FAT3: variants seen among roughly 807,000 people sequenced by gnomAD.
The protein encoded by FAT3 is FAT atypical cadherin 3, also known as protocadherin Fat 3.
A neutral mutation model predicts 310.2 loss-of-function variants in FAT3; 95 were observed. The ratio of observed to expected loss-of-function variants is 0.31; its 90% confidence interval spans 0.26 to 0.36. The LOEUF is 0.36. Among genes scored for constraint, FAT3 ranks in the 10% least tolerant of loss-of-function variants. FAT3 has a pLI of 1.00. For synonymous variants in FAT3, 2,314 were observed against 2,192.9 expected, an observed-to-expected ratio of 1.06 and a Z score of -1.54; for missense variants, 5,408 against 5,715.6, an observed-to-expected ratio of 0.95 and a Z score of 1.74.
chr11:92,700,454 G>T (rs1331378542), intron 4 of FAT3, among the ~76,000 whole-genome samples: 1 of 152,090 alleles, frequency 6.6e-6, no homozygotes, highest in Non-Finnish European at 1.5e-5. Flanking sequence ...TGGGGTGGGG[G>T]CTGAGGGTGA....
At chr11:92,868,120 G>T (rs779011790) in intron 22 of FAT3, among the ~76,000 whole-genome samples, 41 of 152,200 alleles carry the variant, frequency 2.7e-4, no homozygotes, top group Non-Finnish European at 5.3e-4. Flanking sequence ...TCCCTTTGCA[G>T]AGTCGCTCAG....
At chr11:92,383,263 T>C (rs1420453836) in intron 2 of FAT3, among the ~76,000 whole-genome samples, 1 of 152,238 alleles carries the variant, frequency 6.6e-6, no homozygotes, top group African/African-American at 2.4e-5. Flanking sequence ...GTTGAATCTA[T>C]GTCCTTGCTA....
At chr11:92,297,433 A>G (rs1946878618) in intron 1 of FAT3, among the ~76,000 whole-genome samples, 1 of 152,164 alleles carries the variant, frequency 6.6e-6, no homozygotes, top group African/African-American at 2.4e-5. Context: ...TAACAGTCAC[A>G]AGAAAGAAAT....
At chr11:92,771,151 C>T (rs1946445802) in intron 6 of FAT3, among the ~76,000 whole-genome samples, 1 of 152,132 alleles carries the variant, frequency 6.6e-6, no homozygotes, top group African/African-American at 2.4e-5. Context: ...CGGTGTCCTC[C>T]CTCCTCCCCA....
chr11:92,750,862 C>G (rs1386608424), intron 4 of FAT3, among the ~76,000 whole-genome samples: 2 of 152,226 alleles, frequency 1.3e-5, no homozygotes, highest in East Asian at 3.8e-4. Context: ...TGGGTTGTTT[C>G]ACCTAGAACA....
rs1001234893 is a variant in FAT3, at chr11:92,782,420, TA to T, written c.4336-7515del. On this transcript the variant is annotated intron_variant, in intron 7 of 27. Transcript: ENST00000525166. ...AGACCAGCCCAGTATTTACAAAAAA[TA>T]AAAAAAACCAGACAGGTATGGTGGC... Among the ~76,000 whole-genome samples, 9 of 151,324 alleles carry T rather than the reference TA, an allele frequency of 5.9e-5. No homozygotes were observed. In the South Asian group the frequency reaches 1.0e-3, roughly 18 times the overall value.
rs779689184 is a variant in FAT3 at position 92,836,660 on chromosome 11, T to C, written c.10181T>C (p.Val3394Ala). Residue 3394 changes from valine (V) to alanine (A), a missense_variant, in exon 16 of 28, where the codon GTC becomes GCC. Physicochemically the swap from Val to Ala is moderately conservative, Grantham distance 64. Coordinates refer to ENST00000525166, the MANE Select transcript of FAT3 (RefSeq NM_001367949.2). The stretch of plus-strand genomic sequence containing the variant: ...GACAATGAATTTACTGTAGATCCTG[T>C]CTTGGGACTTGTGAAAGTTAAGAAG... ...DRDNEFTVDP[V>A]LGLVKVKKKL... 2.5e-6 allele frequency: 4 copies of C among 1,613,696 alleles called. No individual in the cohort carries two copies. In the South Asian group the frequency reaches 4.4e-5, roughly 18 times the overall value.
chr11:92,427,956 T>C lies in FAT3; in HGVS notation c.3292+72552T>C, dbSNP rs147192428. 2.9e-3 allele frequency among the ~76,000 whole-genome samples: 438 copies of C among 152,248 alleles called. 1 individual carries two copies. Among genetic ancestry groups the C allele is most frequent in the African/African-American group, 9.9e-3 (410 of 41,568 alleles). Reference sequence around the variant, plus strand: ...TTAGAAGGAATGGTATGAACTCCTCTTTGTACCTCTGGTAGAATTTGGCTG... The same window carrying C: ...TTAGAAGGAATGGTATGAACTCCTCCTTGTACCTCTGGTAGAATTTGGCTG... On this transcript the variant is annotated intron_variant, in intron 2 of 27. Coordinates refer to ENST00000525166, the MANE Select transcript of FAT3 (RefSeq NM_001367949.2).
intron 2 of FAT3, among the ~76,000 whole-genome samples, chr11:92,387,187 G>A (rs769325400): frequency 6.6e-5 from 10 of 151,410 alleles, no homozygotes; most frequent in Admixed American, 2.6e-4. Context: ...AGAGAAATAG[G>A]TATTATTCTA....
At position 92,655,245 on chromosome 11, in the gene FAT3, A is replaced by T. The variant is rs1198859268; in HGVS notation, c.3608-42139A>T. ...AATGAATGAATGAATGAGATGGGTT[A>T]CTTGTCTCTTCTCAGGAGAACACAA... On this transcript the variant is annotated intron_variant, in intron 3 of 27. Transcript: ENST00000525166. Among the ~76,000 whole-genome samples, 5 of 152,198 alleles carry T rather than the reference A, an allele frequency of 3.3e-5. No homozygotes were observed. The East Asian group carries it at 9.6e-4, about 29-fold the overall frequency.
At chr11:92,781,604 G>A (rs1946755203) in intron 7 of FAT3, among the ~76,000 whole-genome samples, 1 of 152,090 alleles carries the variant, frequency 6.6e-6, no homozygotes, top group Non-Finnish European at 1.5e-5. Context: ...AAATCATCTG[G>A]TATAATGAAA....
chr11:92,458,837 C>A (rs777443563), intron 2 of FAT3, among the ~76,000 whole-genome samples: 4 of 152,186 alleles, frequency 2.6e-5, no homozygotes, highest in Non-Finnish European at 5.9e-5. Flanking sequence ...AGAGTCCTTG[C>A]TCTCTGATTT....
In FAT3 at chr11:92,800,343, A is replaced by G; in HGVS notation, c.7330A>G (p.Met2444Val). 9.9e-6 allele frequency: 16 copies of G among 1,613,956 alleles called. No homozygotes were observed. The highest frequency in any genetic ancestry group is 1.2e-5 in the Non-Finnish European group (14 of 1,179,866). Residue 2444 changes from methionine (M) to valine (V), a missense_variant, in exon 10 of 28, where the codon ATG (methionine) becomes GTG (valine). By Grantham distance (21) the Met-to-Val change is conservative. Transcript: ENST00000525166. The part of the protein sequence containing the change: ...LSGNDRTSFL[M>V]DSKSGVITLS... Reference sequence around the variant, plus strand: ...TGGGAATGACCGGACGAGCTTTCTGATGGACAGCAAGAGTGGAGTTATCAC... The same window carrying G: ...TGGGAATGACCGGACGAGCTTTCTGGTGGACAGCAAGAGTGGAGTTATCAC...
rs111851038 is a variant in FAT3 at position 92,258,866 on chromosome 11, C to G, written c.-18+33692C>G. ...GGAATGAAGACACAGAACTAGTGAC[C>G]AAGGCCTTGTGGAAGAGCCAACACT... On this transcript the variant is annotated intron_variant, in intron 1 of 27. Transcript: ENST00000525166. Among the ~76,000 whole-genome samples the G allele has an allele frequency of 1.3e-4, 19 of 151,926 alleles. 1 individual carries two copies. Among genetic ancestry groups the G allele is most frequent in the African/African-American group, 3.6e-4 (15 of 41,438 alleles).
chr11:92,571,831 C>A (rs1344950094), intron 3 of FAT3, among the ~76,000 whole-genome samples: 3 of 152,242 alleles, frequency 2.0e-5, no homozygotes, highest in East Asian at 3.9e-4. Flanking sequence ...CATTTGATTT[C>A]TTTCTTTACT....
At chr11:92,293,397 A>G (rs749330189) in intron 1 of FAT3, among the ~76,000 whole-genome samples, 3 of 151,092 alleles carry the variant, frequency 2.0e-5, no homozygotes, top group Admixed American at 6.6e-5. Context: ...AAGTAATTCA[A>G]TTATTTGCTG....
chr11:92,278,544 AT>A (rs1242966666), intron 1 of FAT3, among the ~76,000 whole-genome samples: 5 of 152,094 alleles, frequency 3.3e-5, no homozygotes, highest in African/African-American at 1.2e-4. Context: ...TGGAAGTTGC[AT>A]TGTGTAGACA....
chr11:92,389,621 T>C (rs554961840), intron 2 of FAT3, among the ~76,000 whole-genome samples: 2 of 152,170 alleles, frequency 1.3e-5, no homozygotes, highest in African/African-American at 4.8e-5. Flanking sequence ...ATAACTACCA[T>C]TTATTGTGTT....
intron 2 of FAT3, among the ~76,000 whole-genome samples, chr11:92,502,192 A>C (rs1952959714): frequency 6.6e-6 from 1 of 152,056 alleles, no homozygotes; most frequent in Non-Finnish European, 1.5e-5. Flanking sequence ...TCACCATAGA[A>C]ATCAGTGTGG....
Sources: allele counts gnomAD v4.1 joint callset (sites outside exome capture counted in the v4.1 genomes callset), GRCh38; gene constraint gnomAD v4.1.1; transcripts MANE v1.5; gene names NCBI Gene and HGNC (gene_info 2026-07-23, HGNC 2026-07-21).